TECPR2: variants seen among roughly 807,000 people sequenced by gnomAD.
The protein encoded by TECPR2 is tectonin beta-propeller repeat containing 2.
Under a neutral mutation model 138.1 loss-of-function variants are expected in TECPR2, and 65 were observed. The observed-to-expected ratio is 0.47, with a 90% CI of 0.39 to 0.58. TECPR2 has a LOEUF of 0.58. TECPR2 is among the 20% of genes least tolerant of loss of function. TECPR2 has a pLI of 0.00. For synonymous variants in TECPR2, 746 were observed against 749.8 expected, an observed-to-expected ratio of 0.99 and a Z score of 0.08; for missense variants, 1,553 against 1,824.5, an observed-to-expected ratio of 0.85 and a Z score of 2.71.
intron 2 of TECPR2, among the ~76,000 whole-genome samples, chr14:102,392,532 C>T (rs781259165): frequency 1.3e-5 from 2 of 152,014 alleles, no homozygotes; most frequent in Non-Finnish European, 2.9e-5. Flanking sequence ...TTGTTCTTTG[C>T]TTACATTTCA....
chr14:102,433,630 C>G (rs1038794642), intron 8 of TECPR2, among the ~76,000 whole-genome samples: 1 of 152,038 alleles, frequency 6.6e-6, no homozygotes, highest in Non-Finnish European at 1.5e-5. Flanking sequence ...AAGCAATTCT[C>G]CTGCCTCAGC....
At chr14:102,363,494 T>C (rs1003450521) in intron 1 of TECPR2, among the ~76,000 whole-genome samples, 1 of 150,834 alleles carries the variant, frequency 6.6e-6, no homozygotes, top group African/African-American at 2.4e-5. Context: ...TCGTGTTCTG[T>C]CCCCCACTCG....
intron 5 of TECPR2, among the ~76,000 whole-genome samples, chr14:102,422,836 A>G (rs1889221325): frequency 6.6e-6 from 1 of 152,196 alleles, no homozygotes; most frequent in Admixed American, 6.5e-5. Context: ...TCATAACTGC[A>G]TGGATATATG....
At chr14:102,377,850 C>A (rs899812515) in intron 2 of TECPR2, among the ~76,000 whole-genome samples, 2 of 152,194 alleles carry the variant, frequency 1.3e-5, no homozygotes, top group Non-Finnish European at 1.5e-5. Flanking sequence ...TCTAGTTCTT[C>A]TCTTGAAATT....
At chr14:102,375,060 C>T (rs1025808264) in intron 1 of TECPR2, among the ~76,000 whole-genome samples, 2 of 152,030 alleles carry the variant, frequency 1.3e-5, no homozygotes, top group African/African-American at 4.8e-5. Flanking sequence ...CGGTGGCTCA[C>T]ACCTGTAATC....
At chr14:102,442,704 A>G (rs972612883) in intron 11 of TECPR2, among the ~76,000 whole-genome samples, 2 of 152,198 alleles carry the variant, frequency 1.3e-5, no homozygotes, top group Non-Finnish European at 2.9e-5. Flanking sequence ...CCTGCCGGTG[A>G]TTCCCACCTA....
At chr14:102,455,529 C>T (rs1019986896) in intron 16 of TECPR2, among the ~76,000 whole-genome samples, 4 of 152,224 alleles carry the variant, frequency 2.6e-5, no homozygotes, top group African/African-American at 9.6e-5. Context: ...TCACTGCAAC[C>T]TCTGCCTTCC....
chr14:102,417,873 G>A (rs1354857866), intron 5 of TECPR2, among the ~76,000 whole-genome samples: 3 of 150,446 alleles, frequency 2.0e-5, no homozygotes, highest in Admixed American at 6.6e-5. Context: ...GGGAGCCGTG[G>A]GGAGGCTGGC....
At chr14:102,398,221 A>G (rs1025428980) in intron 2 of TECPR2, among the ~76,000 whole-genome samples, 5 of 152,188 alleles carry the variant, frequency 3.3e-5, no homozygotes, top group Admixed American at 1.3e-4. Flanking sequence ...GAAATGAGAA[A>G]TTCACTGGAG....
intron 17 of TECPR2, among the ~76,000 whole-genome samples, chr14:102,485,562 G>GCCCTGGGTCCTGCAGCAGTC (rs1424313757): frequency 4.3e-4 from 66 of 152,278 alleles, no homozygotes; most frequent in African/African-American, 1.4e-3. Flanking sequence ...CTAACGGGGT[G>GCCCTGGGTCCTGCAGCAGTC]CCCTGGGTCC....
intron 1 of TECPR2, among the ~76,000 whole-genome samples, chr14:102,365,777 G>C (rs1170123161): frequency 1.3e-5 from 2 of 152,150 alleles, no homozygotes; most frequent in African/African-American, 4.8e-5. Context: ...GGATGGAAGA[G>C]TGGCCTGAGA....
chr14:102,479,108 G>A (rs1292158844), intron 17 of TECPR2, among the ~76,000 whole-genome samples: 3 of 151,928 alleles, frequency 2.0e-5, no homozygotes, highest in African/African-American at 4.8e-5. Context: ...AAAGAAGAGC[G>A]AGGCAGGAGG....
chr14:102,363,465 C>T (rs905083097), intron 1 of TECPR2, among the ~76,000 whole-genome samples: 3 of 152,336 alleles, frequency 2.0e-5, no homozygotes, highest in East Asian at 1.9e-4. Flanking sequence ...GGCTCTGCTC[C>T]TTCGCCTTAA....
intron 2 of TECPR2, among the ~76,000 whole-genome samples, chr14:102,378,751 A>G (rs893712270): frequency 1.3e-5 from 2 of 152,104 alleles, no homozygotes; most frequent in Admixed American, 1.3e-4. Context: ...CAGCCTCCAG[A>G]GCAGCTAGGA....
Position 102,443,804 on chromosome 14 carries a change from G to A in TECPR2, c.2910G>A (p.Glu970=). The part of the protein sequence containing the change: ...EGVSSFCPEG[E]QWKCDIVSER... The stretch of plus-strand genomic sequence containing the variant: ...TGAGCAGCTTCTGTCCGGAAGGCGA[G>A]CAGTGGAAGTGTGACATTGTCAGGT... The change falls in exon 12 of 20, where the codon GAG becomes GAA. Residue 970 remains glutamate, a synonymous_variant. Transcript: ENST00000359520. The surrounding 1 kb of genome is among the most constrained non-coding windows in gnomAD (Gnocchi z 4.9). 6.3e-7 allele frequency: 1 copy of A among 1,596,392 alleles called. No individual in the cohort carries two copies. The highest frequency in any genetic ancestry group is 8.6e-7 in the Non-Finnish European group (1 of 1,167,662).
At chr14:102,445,989 C>T in intron 13 of TECPR2, 42 bp downstream of exon 13, 1 of 1,569,000 alleles carries the variant, frequency 6.4e-7, no homozygotes, top group Non-Finnish European at 8.7e-7. Flanking sequence ...GTCTCCCGAC[C>T]TTTTCTGCTT....
At chr14:102,440,697 A>G in intron 11 of TECPR2, 88 bp downstream of exon 11, 2 of 1,452,056 alleles carry the variant, frequency 1.4e-6, no homozygotes, top group South Asian at 1.3e-5. Flanking sequence ...GCTTACCACA[A>G]TCGCTATGAT....
In TECPR2 at chr14:102,500,993, C is replaced by T. The variant is rs1406130568; in HGVS notation, c.*2736C>T. On this transcript the variant is annotated 3_prime_UTR_variant, in exon 20 of 20. Transcript: ENST00000359520. ...ACTGCAGACCTGTGCTGTTTGATGCCTCCTCACTGTCCCGTCACTCCTGGG... is the reference window on the plus strand; with the variant it reads ...ACTGCAGACCTGTGCTGTTTGATGCTTCCTCACTGTCCCGTCACTCCTGGG... 6.6e-6 allele frequency: 1 copy of T among 152,290 alleles called. No individual in the cohort carries two copies. Among genetic ancestry groups the T allele is most frequent in the African/African-American group, 2.4e-5 (1 of 41,472 alleles). The allele number at this position is 152,290 out of a possible 1,614,324, so 9.4% of individuals were successfully genotyped here.
rs555718137 is a variant in TECPR2 at position 102,437,049 on chromosome 14, A to G, written c.2395-973A>G. ...CTCCAGGTAGCTGGGAAGCCAAGAA[A>G]TTTTATGGTGTGTTTTTATTTGGAG... On this transcript the variant is annotated intron_variant, in intron 9 of 19. Transcript: ENST00000359520. 5 of 985,396 alleles carry G rather than the reference A, an allele frequency of 5.1e-6. No homozygotes were observed. In the African/African-American group the frequency reaches 5.2e-5, roughly 10 times the overall value. 61.0% of individuals were successfully genotyped at this position (985,396 alleles called of 1,614,324 possible).
Sources: gnomAD v4.1 joint callset for allele counts (sites outside exome capture counted in the v4.1 genomes callset) on GRCh38, gnomAD v4.1.1 for gene constraint, Gnocchi (gnomAD v3.1) non-coding constraint, MANE v1.5 for transcripts, NCBI Gene and HGNC (gene_info 2026-07-23, HGNC 2026-07-21) for gene names.